The following TBC1D22A variants were observed in gnomAD, a reference collection of about 807,000 sequenced individuals.
TBC1D22A encodes putative GTPase activator.
In TBC1D22A, 38 loss-of-function variants were observed where a neutral mutation model predicts 60.2. That is an observed-to-expected ratio of 0.63 (90% CI 0.49 to 0.83). The LOEUF (loss-of-function observed/expected upper bound fraction) is 0.83, where lower values mean the gene tolerates loss of function less well. TBC1D22A is among the 40% of genes least tolerant of loss of function. The pLI is 0.00. For synonymous variants in TBC1D22A, 302 were observed against 281.7 expected (o/e 1.07, Z -0.72); for missense variants, 628 against 701.0 (o/e 0.90, Z 1.18).
At chr22:47,153,529 G>A (rs1601693050) in intron 12 of TBC1D22A, among the ~76,000 whole-genome samples, 2 of 152,104 alleles carry the variant, frequency 1.3e-5, no homozygotes, top group East Asian at 3.9e-4. Context: ...CCTGGGGGAG[G>A]TGGGTTCGAG....
chr22:46,784,873 C>T (rs2084092679), intron 1 of TBC1D22A, among the ~76,000 whole-genome samples: 1 of 152,170 alleles, frequency 6.6e-6, no homozygotes, highest in Non-Finnish European at 1.5e-5. Flanking sequence ...TTCCCATTTC[C>T]AGGATGAGAA....
chr22:47,123,602 G>A (rs1414498556), intron 12 of TBC1D22A, among the ~76,000 whole-genome samples: 1 of 152,214 alleles, frequency 6.6e-6, no homozygotes. Flanking sequence ...AAATGGGACT[G>A]ATCTTGCAAT....
intron 12 of TBC1D22A, among the ~76,000 whole-genome samples, chr22:47,141,186 G>A (rs1481333760): frequency 1.3e-5 from 2 of 152,134 alleles, no homozygotes; most frequent in African/African-American, 2.4e-5. Flanking sequence ...GAGACTTACT[G>A]TCACGGGGAC....
intron 4 of TBC1D22A, among the ~76,000 whole-genome samples, chr22:46,826,307 T>C (rs2147126101): frequency 6.6e-6 from 1 of 152,354 alleles, no homozygotes; most frequent in African/African-American, 2.4e-5. Context: ...CCGCCCCTGT[T>C]CTCCATTTGT....
intron 12 of TBC1D22A, among the ~76,000 whole-genome samples, chr22:47,170,521 A>C (rs927672581): frequency 6.6e-6 from 1 of 152,214 alleles, no homozygotes; most frequent in African/African-American, 2.4e-5. Context: ...AGGCCCACTG[A>C]AAGTATCCAA....
intron 7 of TBC1D22A, among the ~76,000 whole-genome samples, chr22:46,899,184 C>T (rs2068844675): frequency 6.6e-6 from 1 of 152,048 alleles, no homozygotes; most frequent in Non-Finnish European, 1.5e-5. Context: ...TGGTGGCTCA[C>T]ACCTGTAATC....
At chr22:46,963,320 C>T (rs1602690247) in intron 8 of TBC1D22A, among the ~76,000 whole-genome samples, 1 of 151,574 alleles carries the variant, frequency 6.6e-6, no homozygotes, top group East Asian at 1.9e-4. Context: ...GCTCATCACA[C>T]TGCCTGCCCT....
chr22:46,871,288 G>C (rs868503868), intron 4 of TBC1D22A, among the ~76,000 whole-genome samples: 1 of 152,200 alleles, frequency 6.6e-6, no homozygotes. Flanking sequence ...ACAGCCCTCC[G>C]TGAGTAATTG....
At chr22:46,847,377 G>A (rs930219742) in intron 4 of TBC1D22A, among the ~76,000 whole-genome samples, 2 of 152,202 alleles carry the variant, frequency 1.3e-5, no homozygotes, top group Admixed American at 6.5e-5. Context: ...ATATCTACCA[G>A]TATCTGCCCT....
chr22:47,005,622 C>T (rs1475746243), intron 10 of TBC1D22A, among the ~76,000 whole-genome samples: 1 of 150,782 alleles, frequency 6.6e-6, no homozygotes, highest in Non-Finnish European at 1.5e-5. Flanking sequence ...CACATACCCC[C>T]TACAAACATG....
In TBC1D22A at chr22:47,012,223, C is replaced by G. The variant is rs77416815; in HGVS notation, c.1201+14514C>G. Among the ~76,000 whole-genome samples the G allele has an allele frequency of 3.2e-3, 494 of 152,280 alleles. 3 individuals are homozygous for G. Among genetic ancestry groups the G allele is most frequent in the African/African-American group, 0.012 (478 of 41,548 alleles). Reference sequence around the variant, plus strand: ...TTAAGGTGGTCAAAGGAGGTGATGCCTGCCAGGGTGCTTTGAAATGTTTGG... The same window carrying G: ...TTAAGGTGGTCAAAGGAGGTGATGCGTGCCAGGGTGCTTTGAAATGTTTGG... On this transcript the variant is annotated intron_variant, in intron 10 of 12. Coordinates refer to ENST00000337137, the MANE Select transcript of TBC1D22A (RefSeq NM_014346.5).
In TBC1D22A at chr22:46,918,174, G is replaced by A. The variant is rs562300381; in HGVS notation, c.1015+5986G>A. ...AGTATGCGTTGCTCTTGTGATCATC[G>A]TTACTGTCACTTTCTTTGTTGCTGC... On this transcript the variant is annotated intron_variant, in intron 8 of 12. Transcript: ENST00000337137. Among the ~76,000 whole-genome samples the A allele has an allele frequency of 2.6e-4, 40 of 152,310 alleles. No homozygotes were observed. The South Asian group carries it at 6.8e-3, about 26-fold the overall frequency.
chr22:46,830,005 T>C (rs2086241533), intron 4 of TBC1D22A, among the ~76,000 whole-genome samples: 1 of 152,228 alleles, frequency 6.6e-6, no homozygotes, highest in South Asian at 2.1e-4. Context: ...CCCAAGGCGC[T>C]GTGCTCGGCG....
intron 9 of TBC1D22A, among the ~76,000 whole-genome samples, chr22:46,986,533 A>G (rs570490837): frequency 6.6e-6 from 1 of 152,210 alleles, no homozygotes; most frequent in South Asian, 2.1e-4. Context: ...ATTTATTTAG[A>G]TATTCTTTAA....
intron 10 of TBC1D22A, among the ~76,000 whole-genome samples, chr22:46,998,615 A>ACAG (rs1453244668): frequency 7.2e-5 from 11 of 152,250 alleles, no homozygotes; most frequent in Non-Finnish European, 1.6e-4. Flanking sequence ...GAAGGCCGTA[A>ACAG]CAGCAGTCTT....
chr22:47,140,994 A>T (rs1432444828), intron 12 of TBC1D22A, among the ~76,000 whole-genome samples: 1 of 152,190 alleles, frequency 6.6e-6, no homozygotes, highest in Admixed American at 6.5e-5. Flanking sequence ...GCTTTAAAGA[A>T]ATACCCGAGA....
chr22:47,030,386 A>T (rs1480358079), intron 10 of TBC1D22A, among the ~76,000 whole-genome samples: 1 of 152,212 alleles, frequency 6.6e-6, no homozygotes, highest in African/African-American at 2.4e-5. Context: ...ATTTTAGCCT[A>T]AATCCTGGGA....
At chr22:46,783,803 A>T (rs2084044552) in intron 1 of TBC1D22A, among the ~76,000 whole-genome samples, 1 of 152,140 alleles carries the variant, frequency 6.6e-6, no homozygotes, top group Non-Finnish European at 1.5e-5. Context: ...CTTATGCATT[A>T]TTCAGTCAAT....
chr22:47,162,420 G>A (rs550307177), intron 12 of TBC1D22A, among the ~76,000 whole-genome samples: 2 of 152,204 alleles, frequency 1.3e-5, no homozygotes, highest in South Asian at 4.2e-4. Context: ...GTGGTGTGAG[G>A]GGAGAGACGA....
Sources: gnomAD v4.1 joint callset for allele counts (sites outside exome capture counted in the v4.1 genomes callset) on GRCh38, gnomAD v4.1.1 for gene constraint, MANE v1.5 for transcripts, NCBI Gene and HGNC (gene_info 2026-07-23, HGNC 2026-07-21) for gene names.